Variants in LRMDA observed in about 807,000 individuals in gnomAD.
LRMDA encodes leucine rich melanocyte differentiation associated, also known as leucine-rich melanocyte differentiation-associated protein.
LRMDA carries 18 observed loss-of-function variants against 29.8 expected under a neutral mutation model. The ratio of observed to expected loss-of-function variants is 0.60; its 90% confidence interval spans 0.42 to 0.90. LRMDA has a LOEUF of 0.90. LRMDA is among the 40% of genes least tolerant of loss of function. LRMDA has a pLI of 0.00. For missense variants in LRMDA, 273 were observed against 273.9 expected (o/e 1.00, Z 0.02); for synonymous variants, 125 against 109.4 (o/e 1.14, Z -0.89).
intron 2 of LRMDA, among the ~76,000 whole-genome samples, chr10:75,817,761 T>C (rs1437167801): frequency 1.3e-5 from 2 of 152,234 alleles, no homozygotes; most frequent in Admixed American, 1.3e-4. Context: ...AGTGGACCTA[T>C]AGCTATAGTA....
At chr10:75,937,431 A>G (rs570058194) in intron 2 of LRMDA, among the ~76,000 whole-genome samples, 4 of 152,310 alleles carry the variant, frequency 2.6e-5, no homozygotes, top group South Asian at 4.1e-4. Flanking sequence ...TCACAGGGTT[A>G]TCCCCAAGCC....
intron 4 of LRMDA, 83 bp downstream of exon 4, chr10:76,047,386 G>A: frequency 7.3e-7 from 1 of 1,364,832 alleles, no homozygotes; most frequent in Non-Finnish European, 9.8e-7. Context: ...GGGGTGCATA[G>A]TAGATGTTTG....
intron 2 of LRMDA, among the ~76,000 whole-genome samples, chr10:75,805,925 G>A (rs533270247): frequency 6.6e-6 from 1 of 152,288 alleles, no homozygotes; most frequent in East Asian, 1.9e-4. Flanking sequence ...AGAAATACCT[G>A]AGACTGGGTA....
intron 2 of LRMDA, among the ~76,000 whole-genome samples, chr10:75,973,071 A>T (rs1452535403): frequency 4.1e-5 from 6 of 147,756 alleles, no homozygotes; most frequent in Non-Finnish European, 7.4e-5. Flanking sequence ...CAGCAGCAGC[A>T]GCTACTCCTG....
At chr10:75,919,894 A>AT (rs920299335) in intron 2 of LRMDA, among the ~76,000 whole-genome samples, 17 of 151,140 alleles carry the variant, frequency 1.1e-4, no homozygotes, top group South Asian at 4.2e-4. Context: ...AGTAGGCAGC[A>AT]TTTTTTTTTA....
chr10:76,227,444 G>A (rs923466441), intron 5 of LRMDA, among the ~76,000 whole-genome samples: 2 of 152,154 alleles, frequency 1.3e-5, no homozygotes, highest in Admixed American at 6.5e-5. Flanking sequence ...TGAACGTGGG[G>A]CATTGTACCT....
chr10:75,684,786 C>T (rs1443445663), intron 2 of LRMDA, among the ~76,000 whole-genome samples: 5 of 152,180 alleles, frequency 3.3e-5, no homozygotes, highest in Non-Finnish European at 7.3e-5. Context: ...TAATGGACCA[C>T]CATCCCTTGC....
chr10:75,503,097 G>A (rs1440648005), intron 2 of LRMDA, among the ~76,000 whole-genome samples: 3 of 152,246 alleles, frequency 2.0e-5, no homozygotes, highest in East Asian at 1.9e-4. Context: ...TGCTCACCAT[G>A]TAAAAGTGCA....
chr10:75,435,367 A>C (rs2132019626), intron 1 of LRMDA, among the ~76,000 whole-genome samples: 2 of 152,318 alleles, frequency 1.3e-5, no homozygotes, highest in Middle Eastern at 3.4e-3. Flanking sequence ...CTTCCCTCAG[A>C]AGCACTTCTT....
chr10:76,460,698 G>A (rs1042993139), intron 6 of LRMDA, among the ~76,000 whole-genome samples: 6 of 152,182 alleles, frequency 3.9e-5, no homozygotes, highest in Admixed American at 2.0e-4. Flanking sequence ...CCAAGGAAAC[G>A]TAGAAGGGTG....
rs1564684721 is a variant in LRMDA at position 76,204,237 on chromosome 10, G to GTCCACCCATCTCTATTCCATGTGCCCA, written c.517-120152_517-120126dup. Among the ~76,000 whole-genome samples the GTCCACCCATCTCTATTCCATGTGCCCA allele has an allele frequency of 1.8e-4, 21 of 115,066 alleles. No homozygotes were observed. In the East Asian group the frequency reaches 5.4e-3, roughly 30 times the overall value. 75.5% of individuals were successfully genotyped at this position (115,066 alleles called of 152,430 possible). A position where few individuals can be genotyped will look rare whatever the true frequency, so the allele number is the denominator to read the frequency against. ...CCACCCATCTCTATTCCATGTGCCC[G>GTCCACCCATCTCTATTCCATGTGCCCA]TCCACCCATCTCTATTCCATGTGCC... On this transcript the variant is annotated intron_variant, in intron 5 of 6. Transcript: ENST00000611255.
intron 5 of LRMDA, among the ~76,000 whole-genome samples, chr10:76,195,940 T>C (rs541238855): frequency 2.6e-5 from 4 of 152,350 alleles, no homozygotes; most frequent in East Asian, 3.9e-4. Flanking sequence ...TTGGTCTCCT[T>C]GTCAGCATTG....
In LRMDA at chr10:75,972,128, G is replaced by A. The variant is rs188133555; in HGVS notation, c.132-63880G>A. ...GAATGTTTGACAAACACATGGCTTC[G>A]ATGTGCTAGAATCATAGCAGCCCAG... On this transcript the variant is annotated intron_variant, in intron 2 of 6. Transcript: ENST00000611255. 9.2e-5 allele frequency among the ~76,000 whole-genome samples: 14 copies of A among 152,266 alleles called. No homozygotes were observed. The East Asian group carries it at 2.7e-3, about 29-fold the overall frequency.
At chr10:76,386,250 G>C (rs1163294957) in intron 6 of LRMDA, among the ~76,000 whole-genome samples, 2 of 152,164 alleles carry the variant, frequency 1.3e-5, no homozygotes, top group Non-Finnish European at 2.9e-5. Context: ...TACCAAGTGA[G>C]TAGAGAGCTG....
chr10:75,442,763 T>G (rs1844343827), intron 2 of LRMDA, among the ~76,000 whole-genome samples: 1 of 152,146 alleles, frequency 6.6e-6, no homozygotes, highest in Non-Finnish European at 1.5e-5. Flanking sequence ...TTAGGATTTT[T>G]TTTTCTATTT....
chr10:75,913,814 G>A (rs993311604), intron 2 of LRMDA, among the ~76,000 whole-genome samples: 1 of 152,190 alleles, frequency 6.6e-6, no homozygotes. Context: ...GAACGTCCTG[G>A]AGCCCCTGAA....
At chr10:76,407,426 G>A (rs2132504037) in intron 6 of LRMDA, among the ~76,000 whole-genome samples, 1 of 152,264 alleles carries the variant, frequency 6.6e-6, no homozygotes, top group Admixed American at 6.5e-5. Context: ...GTGGGGACTT[G>A]CAAAATAATG....
At chr10:75,493,017 C>T (rs1477535591) in intron 2 of LRMDA, among the ~76,000 whole-genome samples, 4 of 151,978 alleles carry the variant, frequency 2.6e-5, no homozygotes, top group Non-Finnish European at 5.9e-5. Context: ...TTCATGGCCT[C>T]GGTAAAAGAA....
At chr10:75,458,378 A>G (rs1844545059) in intron 2 of LRMDA, among the ~76,000 whole-genome samples, 1 of 152,162 alleles carries the variant, frequency 6.6e-6, no homozygotes, top group Non-Finnish European at 1.5e-5. Context: ...TTGCAAAGTT[A>G]TGGACTTGGG....
Sources: allele counts gnomAD v4.1 joint callset (sites outside exome capture counted in the v4.1 genomes callset), GRCh38; gene constraint gnomAD v4.1.1; transcripts MANE v1.5; gene names NCBI Gene and HGNC (gene_info 2026-07-23, HGNC 2026-07-21).